The following WSB2 variants were observed in gnomAD, a reference collection of about 807,000 sequenced individuals.
WSB2 encodes the protein WD repeat and SOCS box-containing protein 2.
Under a neutral mutation model 48.8 loss-of-function variants are expected in WSB2, and 12 were observed. That is an observed-to-expected ratio of 0.25 (90% CI 0.16 to 0.40). WSB2 has a LOEUF of 0.40. Among genes scored for constraint, WSB2 ranks in the 10% least tolerant of loss-of-function variants. The pLI is 1.00. For missense variants in WSB2, 317 were observed against 506.2 expected (o/e 0.63, Z 3.59); for synonymous variants, 191 against 203.1 (o/e 0.94, Z 0.51).
chr12:118,035,575 C>T, intron 6 of WSB2: 1 of 449,890 alleles, frequency 2.2e-6, no homozygotes, highest in East Asian at 4.0e-5. Context: ...AGTAGGTCAG[C>T]CCTCACTTTA....
intron 1 of WSB2, among the ~76,000 whole-genome samples, chr12:118,058,432 C>T (rs1217976894): frequency 6.6e-6 from 1 of 152,082 alleles, no homozygotes; most frequent in South Asian, 2.1e-4. Context: ...ACTGCAACCT[C>T]GACCTCCCCA....
intron 5 of WSB2, 70 bp downstream of exon 5, chr12:118,038,218 C>A (rs975873723): frequency 1.2e-4 from 172 of 1,450,266 alleles, no homozygotes; most frequent in Non-Finnish European, 1.5e-4. Context: ...TGAGAACACT[C>A]ACACACACCA....
intron 8 of WSB2, chr12:118,034,581 C>G (rs1593460649): frequency 3.8e-6 from 2 of 531,716 alleles, no homozygotes; most frequent in Non-Finnish European, 6.5e-6. Flanking sequence ...AGCGCTCTCT[C>G]TGTCTCTCTC....
Position 118,035,071 on chromosome 12 carries a change from C to T in WSB2, c.967G>A (p.Glu323Lys). Reference sequence around the variant, plus strand: ...GCAAATGCAATGGGAGTTTTCAGTTCCAGGGCCCAGATCCTGAGGAGTCTG... The same window carrying T: ...GCAAATGCAATGGGAGTTTTCAGTTTCAGGGCCCAGATCCTGAGGAGTCTG... ...DDRLLRIWAL[E>K]LKTPIAFAPM... The change falls in exon 8 of 9, where the codon GAA (glutamate) becomes AAA (lysine). Residue 323 changes from glutamate (E) to lysine (K), a missense_variant. Glu to Lys is a moderately conservative substitution (Grantham distance 56). This residue lies in a region of WSB2 where 189 missense variants were observed against 349.6 expected (regional missense o/e 0.54). Coordinates refer to ENST00000315436, the MANE Select transcript of WSB2 (RefSeq NM_018639.5). The T allele has an allele frequency of 6.2e-7, 1 of 1,614,170 alleles. No individual in the cohort carries two copies. The highest frequency in any genetic ancestry group is 8.5e-7 in the Non-Finnish European group (1 of 1,180,046).
intron 1 of WSB2, among the ~76,000 whole-genome samples, chr12:118,055,467 T>C (rs1360838836): frequency 6.6e-6 from 1 of 152,144 alleles, no homozygotes; most frequent in African/African-American, 2.4e-5. Flanking sequence ...GGCTCATGCC[T>C]GTAATCCCAG....
Position 118,034,088 on chromosome 12 carries a change from A to C in WSB2, c.*108T>G, listed in dbSNP as rs758988539. On this transcript the variant is annotated 3_prime_UTR_variant, in exon 9 of 9. Transcript: ENST00000315436. ...TTGCTACATTCTATTCACAATCCCA[A>C]AGAAATGCTATTTCAATGCAAGACC... The C allele has an allele frequency of 6.9e-7, 1 of 1,442,534 alleles. No individual in the cohort carries two copies. Among genetic ancestry groups the C allele is most frequent in the Non-Finnish European group, 9.6e-7 (1 of 1,043,694 alleles). 89.4% of individuals were successfully genotyped at this position (1,442,534 alleles called of 1,614,324 possible). A position where few individuals can be genotyped will look rare whatever the true frequency, so the allele number is the denominator to read the frequency against.
chr12:118,043,662 G>A (rs1197460522), intron 2 of WSB2, among the ~76,000 whole-genome samples: 2 of 152,068 alleles, frequency 1.3e-5, no homozygotes, highest in Non-Finnish European at 2.9e-5. Flanking sequence ...GCCCAGGCTG[G>A]TCTCAAACTC....
chr12:118,051,910 G>A (rs1316334188), intron 2 of WSB2, among the ~76,000 whole-genome samples: 3 of 152,162 alleles, frequency 2.0e-5, no homozygotes, highest in African/African-American at 7.2e-5. Flanking sequence ...GGAGGCAGAG[G>A]TTGTAGTGAG....
chr12:118,038,030 A>G, intron 5 of WSB2: 1 of 350,934 alleles, frequency 2.8e-6, no homozygotes, highest in East Asian at 4.6e-5. Flanking sequence ...AGAAATTTAA[A>G]AAGCAATTGT....
chr12:118,044,878 C>A (rs1255780319), intron 2 of WSB2, among the ~76,000 whole-genome samples: 1 of 152,126 alleles, frequency 6.6e-6, no homozygotes, highest in African/African-American at 2.4e-5. Flanking sequence ...AAGCTGAACG[C>A]CAGGATGAGG....
chr12:118,045,895 GT>G (rs2137782429), intron 2 of WSB2, among the ~76,000 whole-genome samples: 1 of 152,112 alleles, frequency 6.6e-6, no homozygotes, highest in Non-Finnish European at 1.5e-5. Flanking sequence ...TCTACTCTCT[GT>G]TTCTATGAGT....
At chr12:118,058,533 G>T (rs2032004492) in intron 1 of WSB2, among the ~76,000 whole-genome samples, 1 of 151,700 alleles carries the variant, frequency 6.6e-6, no homozygotes, top group African/African-American at 2.4e-5. Context: ...GGTATTTTTT[G>T]CAGAGATGGG....
chr12:118,053,096 C>A (rs56270657), intron 1 of WSB2, among the ~76,000 whole-genome samples: 5,876 of 152,204 alleles, frequency 0.039, 408 homozygotes, highest in African/African-American at 0.14. Context: ...AGTCTTCCTA[C>A]CCCTAGAGAT....
chr12:118,060,946 CCAG>C lies in WSB2; in HGVS notation c.13+87_13+89del. The C allele has an allele frequency of 1.2e-5, 7 of 606,404 alleles. No individual in the cohort carries two copies. Among genetic ancestry groups the C allele is most frequent in the South Asian group, 6.9e-5 (1 of 14,408 alleles). 37.6% of individuals were successfully genotyped at this position (606,404 alleles called of 1,614,324 possible). A position where few individuals can be genotyped will look rare whatever the true frequency, so the allele number is the denominator to read the frequency against. On this transcript the variant is annotated intron_variant, in intron 1 of 8. Coordinates refer to ENST00000315436, the MANE Select transcript of WSB2 (RefSeq NM_018639.5). The surrounding 1 kb of genome is among the most constrained non-coding windows in gnomAD (Gnocchi z 4.1). ...GCGTCCAGCCCCCGCCCCACCCCGC[CCAG>C]CCCGCCCCGGGGTCGCCTCCCCCCT...
chr12:118,054,957 T>C (rs982583843), intron 1 of WSB2, among the ~76,000 whole-genome samples: 4 of 148,116 alleles, frequency 2.7e-5, no homozygotes, highest in African/African-American at 7.5e-5. Flanking sequence ...GATGGGATGA[T>C]AGCTTGAGGC....
upstream of WSB2, chr12:118,062,061 G>A: frequency 2.0e-6 from 3 of 1,529,948 alleles, no homozygotes; most frequent in Non-Finnish European, 1.7e-6. Flanking sequence ...AAAAAACGGG[G>A]CAGGAGCGAT....
At chr12:118,039,400 A>G (rs564800779) in intron 4 of WSB2, among the ~76,000 whole-genome samples, 28 of 152,372 alleles carry the variant, frequency 1.8e-4, no homozygotes, top group African/African-American at 6.5e-4. Flanking sequence ...GGGTACCTAC[A>G]GTTTAATGAA....
chr12:118,060,729 C>T lies in WSB2; in HGVS notation c.13+307G>A, dbSNP rs970761742. On this transcript the variant is annotated intron_variant, in intron 1 of 8. Coordinates refer to ENST00000315436, the MANE Select transcript of WSB2 (RefSeq NM_018639.5). The surrounding 1 kb of genome is among the most constrained non-coding windows in gnomAD (Gnocchi z 4.1). ...CCGTTTTAGGGCTTGGTGCCCCCCG[C>T]CCCGAGTCCCACCCGGGAGCCCCCT... 1.3e-5 allele frequency among the ~76,000 whole-genome samples: 2 copies of T among 152,090 alleles called. No homozygotes were observed. The highest frequency in any genetic ancestry group is 2.9e-5 in the Non-Finnish European group (2 of 67,990).
At chr12:118,037,051 G>A (rs2031527640) in intron 5 of WSB2, among the ~76,000 whole-genome samples, 2 of 152,122 alleles carry the variant, frequency 1.3e-5, no homozygotes, top group Admixed American at 6.5e-5. Context: ...GCATGGTGGT[G>A]CACGCCTGTA....
Sources: allele counts gnomAD v4.1 joint callset (sites outside exome capture counted in the v4.1 genomes callset), GRCh38; gene constraint gnomAD v4.1.1; regional missense constraint gnomAD v4.1.1; non-coding constraint Gnocchi (gnomAD v3.1); transcripts MANE v1.5; gene names NCBI Gene and HGNC (gene_info 2026-07-23, HGNC 2026-07-21).